Variants in FOXP4 observed in about 807,000 individuals in gnomAD.
FOXP4 encodes the protein forkhead box protein P4.
A neutral mutation model predicts 82.6 loss-of-function variants in FOXP4; 25 were observed. The ratio of observed to expected loss-of-function variants is 0.30; its 90% confidence interval spans 0.22 to 0.42. The LOEUF (loss-of-function observed/expected upper bound fraction) is 0.42. Ranked by LOEUF, FOXP4 falls within the 10% of genes least tolerant of loss-of-function variation. FOXP4 has a pLI of 1.00. For synonymous variants in FOXP4, 415 were observed against 388.2 expected, an observed-to-expected ratio of 1.07 and a Z score of -0.81; for missense variants, 785 against 900.9, an observed-to-expected ratio of 0.87 and a Z score of 1.65.
chr6:41,588,975 A>G (rs907928130), intron 9 of FOXP4, among the ~76,000 whole-genome samples: 1 of 152,228 alleles, frequency 6.6e-6, no homozygotes, highest in Admixed American at 6.5e-5. Flanking sequence ...CTCACGCTAC[A>G]TAGAAACATC....
chr6:41,558,171 G>A lies in FOXP4; in HGVS notation c.-16-7574G>A, dbSNP rs1430149084. ...TGCCCAAGGAGGGCAGGGGCTTGGA[G>A]AGGGATTAAGCCTACTCTCGAACTC... On this transcript the variant is annotated intron_variant, in intron 1 of 16. Coordinates refer to ENST00000307972, the MANE Select transcript of FOXP4 (RefSeq NM_001012426.2). This position sits in a 1 kb window ranked among gnomAD's most constrained non-coding sequence, Gnocchi z 4.0. Among the ~76,000 whole-genome samples, 1 of 152,204 alleles carries A rather than the reference G, an allele frequency of 6.6e-6. No individual in the cohort carries two copies. Among genetic ancestry groups the A allele is most frequent in the Admixed American group, 6.5e-5 (1 of 15,284 alleles).
At chr6:41,598,248 G>A (rs1423180130) in intron 16 of FOXP4, among the ~76,000 whole-genome samples, 2 of 126,834 alleles carry the variant, frequency 1.6e-5, no homozygotes, top group African/African-American at 3.1e-5. Flanking sequence ...ACGGAGTCTC[G>A]CTCTGTCACC....
chr6:41,569,791 T>A (rs1050889146), intron 2 of FOXP4, among the ~76,000 whole-genome samples: 1 of 152,064 alleles, frequency 6.6e-6, no homozygotes, highest in East Asian at 1.9e-4. Flanking sequence ...GTCTGGGAAC[T>A]CCCACTGCAG....
At position 41,588,728 on chromosome 6, in the gene FOXP4, C is replaced by G; in HGVS notation, c.1062C>G (p.Ile354Met). The change falls in exon 9 of 17, where the codon ATC becomes ATG. Residue 354 changes from isoleucine (I) to methionine (M), a missense_variant. By Grantham distance (10) the Ile-to-Met change is conservative (BLOSUM62 1). Transcript: ENST00000307972. Reference protein sequence around the residue: ...VQMQVVQQLEIQLAKESERLQ... With the variant: ...VQMQVVQQLEMQLAKESERLQ... ...TGCAGGTGGTGCAGCAGCTGGAGAT[C>G]CAGGTGTGGCCCGGAAGATGCTGGG... 1 of 1,613,428 alleles carries G rather than the reference C, an allele frequency of 6.2e-7. No homozygotes were observed. The highest frequency in any genetic ancestry group is 2.2e-5 in the East Asian group (1 of 44,866).
At chr6:41,580,160 G>T (rs1190864931) in intron 3 of FOXP4, among the ~76,000 whole-genome samples, 1 of 151,324 alleles carries the variant, frequency 6.6e-6, no homozygotes, top group South Asian at 2.1e-4. Context: ...TCCTGCCTCA[G>T]TCTCCCAAGT....
At chr6:41,571,216 G>A (rs1375436541) in intron 2 of FOXP4, among the ~76,000 whole-genome samples, 1 of 152,222 alleles carries the variant, frequency 6.6e-6, no homozygotes, top group African/African-American at 2.4e-5. Context: ...TCCAGGCACT[G>A]AGGACTCTCC....
At chr6:41,567,187 C>T (rs145974450) in intron 2 of FOXP4, among the ~76,000 whole-genome samples, 139 of 152,346 alleles carry the variant, frequency 9.1e-4, no homozygotes, top group Non-Finnish European at 1.3e-3. Context: ...AAGTCATGAG[C>T]CTGCCTGAGC....
intron 16 of FOXP4, 129 bp from the exon 17 acceptor site, chr6:41,598,660 T>C (rs1459720241): frequency 2.2e-6 from 3 of 1,358,290 alleles, no homozygotes; most frequent in South Asian, 1.4e-5. Context: ...CCCTCAGGTC[T>C]GATGGGATCC....
At chr6:41,559,702 T>C (rs1367091698) in intron 1 of FOXP4, among the ~76,000 whole-genome samples, 2 of 152,190 alleles carry the variant, frequency 1.3e-5, no homozygotes, top group Non-Finnish European at 2.9e-5. Context: ...TGTTGAATGA[T>C]TGAATGGCTT....
At chr6:41,561,632 A>T (rs952710560) in intron 1 of FOXP4, among the ~76,000 whole-genome samples, 13 of 151,806 alleles carry the variant, frequency 8.6e-5, no homozygotes, top group Admixed American at 2.6e-4. Flanking sequence ...GACCTCTTGG[A>T]GCTTGCCCCT....
At position 41,591,685 on chromosome 6, in the gene FOXP4, GGGTCTGGATACCTT is replaced by G. The variant is rs1348882568; in HGVS notation, c.1536+366_1536+379del. 6.6e-6 allele frequency among the ~76,000 whole-genome samples: 1 copy of G among 152,166 alleles called. No homozygotes were observed. ...GGGCCGAATTTCACAGAGACCCTAAGGGTCTGGATACCTTGGCTTAAGGTACATGTTCTGAAGCC... is the reference window on the plus strand; with the variant it reads ...GGGCCGAATTTCACAGAGACCCTAAGGGCTTAAGGTACATGTTCTGAAGCC... On this transcript the variant is annotated intron_variant, in intron 13 of 16. Coordinates refer to ENST00000307972, the MANE Select transcript of FOXP4 (RefSeq NM_001012426.2). This position sits in a 1 kb window ranked among gnomAD's most constrained non-coding sequence, Gnocchi z 4.2.
At position 41,589,674 on chromosome 6, in the gene FOXP4, C is replaced by G. The variant is rs545318941; in HGVS notation, c.1066-97C>G. 223 of 1,250,014 alleles carry G rather than the reference C, an allele frequency of 1.8e-4. 2 individuals carry two copies. In the African/African-American group the frequency reaches 2.8e-3, roughly 16 times the overall value. The allele number at this position is 1,250,014 out of a possible 1,614,324, so 77.4% of individuals were successfully genotyped here. A position where few individuals can be genotyped will look rare whatever the true frequency, so the allele number is the denominator to read the frequency against. ...CAAGGAGGCGAATGGGGGTGGGAAT[C>G]GGCGGCCTTCTGAAGAGCCTGGCGG... On this transcript the variant is annotated intron_variant, in intron 9 of 16. Coordinates refer to ENST00000307972, the MANE Select transcript of FOXP4 (RefSeq NM_001012426.2).
At chr6:41,590,402 G>C (rs532219510) in intron 12 of FOXP4, 55 bp downstream of exon 12, 9 of 1,550,778 alleles carry the variant, frequency 5.8e-6, no homozygotes, top group Non-Finnish European at 7.0e-6. Context: ...TGCTCCCCCA[G>C]CCCCCGCCAC....
At chr6:41,549,371 G>C (rs1002327622) in intron 1 of FOXP4, among the ~76,000 whole-genome samples, 6 of 152,152 alleles carry the variant, frequency 3.9e-5, no homozygotes, top group Admixed American at 1.3e-4. Flanking sequence ...AAAGGGACCT[G>C]CTCCTGTCCC....
At chr6:41,548,382 A>T (rs1581688030) in intron 1 of FOXP4, 1 of 152,090 alleles carries the variant, frequency 6.6e-6, no homozygotes, top group Non-Finnish European at 1.5e-5. Context: ...TTTTACCTGA[A>T]CTTCAGCATC....
At chr6:41,568,699 C>T (rs538347113) in intron 2 of FOXP4, among the ~76,000 whole-genome samples, 2 of 152,310 alleles carry the variant, frequency 1.3e-5, no homozygotes, top group Admixed American at 6.5e-5. Flanking sequence ...CTCTCTGTGG[C>T]TCTCCAAGCT....
chr6:41,573,511 G>A (rs553353553), intron 2 of FOXP4, among the ~76,000 whole-genome samples: 8 of 152,120 alleles, frequency 5.3e-5, no homozygotes, highest in African/African-American at 1.7e-4. Context: ...CTTCATTAGC[G>A]AGACTGAGTT....
At position 41,591,067 on chromosome 6, in the gene FOXP4, C is replaced by G. The variant is rs1487754252; in HGVS notation, c.1435-154C>G. 6.6e-6 allele frequency among the ~76,000 whole-genome samples: 1 copy of G among 152,192 alleles called. No individual in the cohort carries two copies. Among genetic ancestry groups the G allele is most frequent in the African/African-American group, 2.4e-5 (1 of 41,446 alleles). On this transcript the variant is annotated intron_variant, in intron 12 of 16. Transcript: ENST00000307972. The surrounding 1 kb of genome is among the most constrained non-coding windows in gnomAD (Gnocchi z 4.2). ...TCCCTCTGAGGGGACCCACCAGCCA[C>G]CACCCATCTTGTTATCCACACATTT...
At position 41,593,699 on chromosome 6, in the gene FOXP4, A is replaced by G. The variant is rs1766648784; in HGVS notation, c.1537-1171A>G. ...TTATCGCTCCAAGAGATTCCACTCC[A>G]GCCGCCCGCCTCCCTCGTGGATTAG... On this transcript the variant is annotated intron_variant, in intron 13 of 16. Transcript: ENST00000307972. This position sits in a 1 kb window ranked among gnomAD's most constrained non-coding sequence, Gnocchi z 4.1. 6.6e-6 allele frequency among the ~76,000 whole-genome samples: 1 copy of G among 152,198 alleles called. No homozygotes were observed. The highest frequency in any genetic ancestry group is 1.5e-5 in the Non-Finnish European group (1 of 68,046).
Sources: allele counts gnomAD v4.1 joint callset (sites outside exome capture counted in the v4.1 genomes callset), GRCh38; gene constraint gnomAD v4.1.1; non-coding constraint Gnocchi (gnomAD v3.1); transcripts MANE v1.5; gene names NCBI Gene and HGNC (gene_info 2026-07-23, HGNC 2026-07-21).